The following SLC24A2 variants were observed in gnomAD, a reference collection of about 807,000 sequenced individuals.
SLC24A2 encodes solute carrier family 24 member 2, also known as sodium/potassium/calcium exchanger 2.
In SLC24A2, 36 loss-of-function variants were observed where a neutral mutation model predicts 62.0. The observed-to-expected ratio is 0.58, with a 90% confidence interval of 0.44 to 0.77. SLC24A2 has a LOEUF of 0.77. Among genes scored for constraint, SLC24A2 ranks in the 30% least tolerant of loss-of-function variants. The pLI, the probability that SLC24A2 is intolerant of heterozygous loss-of-function variation, is 0.00. For missense variants in SLC24A2, 846 were observed against 817.9 expected (o/e 1.03, Z -0.42); for synonymous variants, 358 against 294.0 (o/e 1.22, Z -2.23).
the SLC24A2 span, among the ~76,000 whole-genome samples, chr9:20,305,855 G>A: frequency 6.6e-6 from 1 of 152,156 alleles, no homozygotes; most frequent in Non-Finnish European, 1.5e-5. Flanking sequence ...AGTCCCAGAG[G>A]CTGGAAGTCT....
intron 2 of SLC24A2, among the ~76,000 whole-genome samples, chr9:19,775,339 C>T (rs1822814099): frequency 6.6e-6 from 1 of 152,222 alleles, no homozygotes; most frequent in African/African-American, 2.4e-5. Context: ...TGATGACAAG[C>T]TCACTGGGAA....
At chr9:19,527,857 T>C (rs79166162) in intron 9 of SLC24A2, among the ~76,000 whole-genome samples, 192 bp downstream of exon 9, 1,782 of 152,300 alleles carry the variant, frequency 0.012, 33 homozygotes, top group African/African-American at 0.041. Context: ...CTATGCTGAT[T>C]TAATTCCATG....
Position 19,785,963 on chromosome 9 carries a change from C to T in SLC24A2, c.904G>A (p.Val302Met), listed in dbSNP as rs1441651151. Residue 302 changes from valine (V) to methionine (M), a missense_variant, in exon 2 of 11, where the codon GTG becomes ATG. By Grantham distance (21) the Val-to-Met change is conservative. Transcript: ENST00000341998. ...TTTGCTTGGGCTTCTGGTGCTGTCACCTTGACGACCTTATTGCGGTTTATC... is the reference window on the plus strand; with the variant it reads ...TTTGCTTGGGCTTCTGGTGCTGTCATCTTGACGACCTTATTGCGGTTTATC... Reference protein sequence around the residue: ...QMINRNKVVKVTAPEAQAKPS... With the variant: ...QMINRNKVVKMTAPEAQAKPS... 6.2e-7 allele frequency: 1 copy of T among 1,614,208 alleles called. No homozygotes were observed.
At chr9:19,631,756 G>A (rs1818185212) in intron 2 of SLC24A2, among the ~76,000 whole-genome samples, 1 of 152,166 alleles carries the variant, frequency 6.6e-6, no homozygotes, top group Non-Finnish European at 1.5e-5. Context: ...AGTATGGTCA[G>A]CGGAAACCAT....
At chr9:19,917,594 A>T in the SLC24A2 span, among the ~76,000 whole-genome samples, 1 of 151,888 alleles carries the variant, frequency 6.6e-6, no homozygotes, top group South Asian at 2.1e-4. Context: ...ATATAAGCTT[A>T]TCCCTCGGGT....
chr9:19,824,962 T>C, the SLC24A2 span, among the ~76,000 whole-genome samples: 3 of 151,362 alleles, frequency 2.0e-5, no homozygotes, highest in African/African-American at 7.3e-5. Context: ...TAAGTGGGAG[T>C]TGAACAATGA....
the SLC24A2 span, among the ~76,000 whole-genome samples, chr9:19,973,448 A>G: frequency 6.6e-6 from 1 of 152,212 alleles, no homozygotes; most frequent in African/African-American, 2.4e-5. Flanking sequence ...ATTTTTTTCT[A>G]TCATCTGTTA....
chr9:20,292,788 C>T, the SLC24A2 span, among the ~76,000 whole-genome samples: 1 of 152,116 alleles, frequency 6.6e-6, no homozygotes, highest in South Asian at 2.1e-4. Flanking sequence ...TGGGGTCTCC[C>T]CACCTTGCCC....
chr9:20,300,333 C>A, the SLC24A2 span, among the ~76,000 whole-genome samples: 1 of 152,172 alleles, frequency 6.6e-6, no homozygotes, highest in African/African-American at 2.4e-5. Context: ...TTGAGCTCCT[C>A]CATCAAACTT....
chr9:19,829,375 T>C, the SLC24A2 span, among the ~76,000 whole-genome samples: 11 of 152,182 alleles, frequency 7.2e-5, no homozygotes, highest in African/African-American at 2.7e-4. Flanking sequence ...TTGAGAAGAC[T>C]AAATGATTTG....
At chr9:19,666,893 C>A (rs1347387184) in intron 2 of SLC24A2, among the ~76,000 whole-genome samples, 2 of 152,102 alleles carry the variant, frequency 1.3e-5, no homozygotes, top group Non-Finnish European at 2.9e-5. Context: ...GTGTTCCCAC[C>A]ATGACAAGTG....
the SLC24A2 span, among the ~76,000 whole-genome samples, chr9:19,811,230 A>G: frequency 6.6e-6 from 1 of 152,112 alleles, no homozygotes; most frequent in Non-Finnish European, 1.5e-5. Context: ...CTAGAAGGGG[A>G]CCCTCAACAG....
the SLC24A2 span, among the ~76,000 whole-genome samples, chr9:20,102,231 A>T: frequency 6.6e-6 from 1 of 152,192 alleles, no homozygotes; most frequent in Non-Finnish European, 1.5e-5. Context: ...TAAGAGAGAG[A>T]CTAGATTTTC....
At chr9:19,760,228 C>T (rs1266862043) in intron 2 of SLC24A2, among the ~76,000 whole-genome samples, 4 of 152,042 alleles carry the variant, frequency 2.6e-5, no homozygotes, top group Non-Finnish European at 1.5e-5. Flanking sequence ...CAGGGCCTTT[C>T]CATTTGTGTG....
chr9:19,895,376 T>A, the SLC24A2 span, among the ~76,000 whole-genome samples: 2 of 152,184 alleles, frequency 1.3e-5, no homozygotes, highest in South Asian at 4.2e-4. Context: ...CCCAAAGCTG[T>A]CAAGATGTTT....
Position 19,599,495 on chromosome 9 carries a change from T to C in SLC24A2, c.1079-2216A>G, listed in dbSNP as rs921076546. Among the ~76,000 whole-genome samples, 1 of 152,142 alleles carries C rather than the reference T, an allele frequency of 6.6e-6. No homozygotes were observed. Among genetic ancestry groups the C allele is most frequent in the Non-Finnish European group, 1.5e-5 (1 of 68,030 alleles). Reference sequence around the variant, plus strand: ...GTATCTGCCCAAACAAAGAGAACCATGTTTACAGTTTACTGAAGAAAAGTC... The same window carrying C: ...GTATCTGCCCAAACAAAGAGAACCACGTTTACAGTTTACTGAAGAAAAGTC... On this transcript the variant is annotated intron_variant, in intron 4 of 10. Coordinates refer to ENST00000341998, the MANE Select transcript of SLC24A2 (RefSeq NM_020344.4). This position sits in a 1 kb window ranked among gnomAD's most constrained non-coding sequence, Gnocchi z 4.5.
the SLC24A2 span, among the ~76,000 whole-genome samples, chr9:20,223,070 T>A: frequency 6.6e-6 from 1 of 151,934 alleles, no homozygotes. Flanking sequence ...TATACAAAAA[T>A]CAGTAGTGTT....
chr9:19,797,309 G>A, the SLC24A2 span, among the ~76,000 whole-genome samples: 1 of 152,158 alleles, frequency 6.6e-6, no homozygotes, highest in Non-Finnish European at 1.5e-5. Flanking sequence ...ACTATTTACT[G>A]TAGCTTATTG....
At chr9:19,875,342 C>A in the SLC24A2 span, among the ~76,000 whole-genome samples, 1 of 152,080 alleles carries the variant, frequency 6.6e-6, no homozygotes, top group Non-Finnish European at 1.5e-5. Flanking sequence ...TGGATGAAGC[C>A]CTGACTCTGA....
Sources: allele counts gnomAD v4.1 joint callset (sites outside exome capture counted in the v4.1 genomes callset), GRCh38; gene constraint gnomAD v4.1.1; non-coding constraint Gnocchi (gnomAD v3.1); transcripts MANE v1.5; gene names NCBI Gene and HGNC (gene_info 2026-07-23, HGNC 2026-07-21).